Variants in KHDRBS3 observed in about 807,000 individuals in gnomAD.
KHDRBS3 encodes KH domain-containing, RNA-binding, signal transduction-associated protein 3.
Under a neutral mutation model 45.6 loss-of-function variants are expected in KHDRBS3, and 23 were observed. The observed-to-expected ratio is 0.50, with a 90% confidence interval of 0.36 to 0.72. The LOEUF (loss-of-function observed/expected upper bound fraction) is 0.72, where lower values mean the gene tolerates loss of function less well. KHDRBS3 is among the 30% of genes least tolerant of loss of function. The pLI is 0.00. For synonymous variants in KHDRBS3, 162 were observed against 156.5 expected (o/e 1.04, Z -0.26); for missense variants, 352 against 424.8 (o/e 0.83, Z 1.51).
At chr8:135,517,044 A>C (rs1824647061) in intron 1 of KHDRBS3, among the ~76,000 whole-genome samples, 1 of 152,204 alleles carries the variant, frequency 6.6e-6, no homozygotes, top group South Asian at 2.1e-4. Flanking sequence ...TTGCTTAGGA[A>C]GTTCTGTACT....
chr8:135,619,853 T>C (rs1830066896), intron 7 of KHDRBS3, among the ~76,000 whole-genome samples: 2 of 152,192 alleles, frequency 1.3e-5, no homozygotes, highest in South Asian at 2.1e-4. Flanking sequence ...AAGTTTATGG[T>C]CAGGGAAACT....
Position 135,542,788 on chromosome 8 carries a change from A to G in KHDRBS3, c.324+18A>G. ...AGGCCAAGGTAATATTAATTATAGA[A>G]AACGGCTAAGTTGTGTATCATGTTA... On this transcript the variant is annotated intron_variant, in intron 3 of 8. Coordinates refer to ENST00000355849, the MANE Select transcript of KHDRBS3 (RefSeq NM_006558.3). 1 of 1,505,402 alleles carries G rather than the reference A, an allele frequency of 6.6e-7. No homozygotes were observed. Among genetic ancestry groups the G allele is most frequent in the South Asian group, 1.1e-5 (1 of 88,016 alleles). The allele number at this position is 1,505,402 out of a possible 1,614,324, so 93.3% of individuals were successfully genotyped here.
chr8:135,500,796 C>G lies in KHDRBS3; in HGVS notation c.89-20441C>G, dbSNP rs146745051. On this transcript the variant is annotated intron_variant, in intron 1 of 8. Coordinates refer to ENST00000355849, the MANE Select transcript of KHDRBS3 (RefSeq NM_006558.3). ...GCATTTAGCCACGAGTAAGACAGAT[C>G]TAAACAATTTATGGTAAATGCTACA... Among the ~76,000 whole-genome samples the G allele has an allele frequency of 9.1e-3, 1,392 of 152,230 alleles. 8 individuals carry two copies. Among genetic ancestry groups the G allele is most frequent in the Middle Eastern group, 0.017 (5 of 294 alleles).
Position 135,557,443 on chromosome 8 carries a change from T to G in KHDRBS3, c.472-5T>G, listed in dbSNP as rs776690352. 14 of 1,594,804 alleles carry G rather than the reference T, an allele frequency of 8.8e-6. No homozygotes were observed. Among genetic ancestry groups the G allele is most frequent in the Non-Finnish European group, 1.2e-5 (14 of 1,169,240 alleles). ...GAATTTTGCTATCTTCTGTCTTTTG[T>G]GTAGGATTATAATGATGAGATCAGG... On this transcript the variant is annotated splice_region_variant and splice_polypyrimidine_tract_variant and intron_variant, in intron 4 of 8. Transcript: ENST00000355849.
chr8:135,596,983 T>G (rs1829000605), intron 6 of KHDRBS3, among the ~76,000 whole-genome samples: 1 of 152,220 alleles, frequency 6.6e-6, no homozygotes, highest in African/African-American at 2.4e-5. Flanking sequence ...TTACTTCTTG[T>G]CTTACTCTAT....
intron 1 of KHDRBS3, among the ~76,000 whole-genome samples, chr8:135,464,700 G>A (rs777142611): frequency 2.6e-5 from 4 of 152,148 alleles, no homozygotes; most frequent in African/African-American, 7.2e-5. Flanking sequence ...TCTGGTTTAC[G>A]TGCTTTATGT....
intron 1 of KHDRBS3, among the ~76,000 whole-genome samples, chr8:135,472,944 C>T (rs1321393655): frequency 6.6e-6 from 1 of 152,054 alleles, no homozygotes. Flanking sequence ...GAAAAGAATC[C>T]CTCAGTTCTT....
At chr8:135,483,401 A>G (rs1822684136) in intron 1 of KHDRBS3, among the ~76,000 whole-genome samples, 1 of 152,132 alleles carries the variant, frequency 6.6e-6, no homozygotes, top group Admixed American at 6.5e-5. Context: ...GTGGTTTGTA[A>G]CTGCCCATGC....
intron 5 of KHDRBS3, among the ~76,000 whole-genome samples, chr8:135,560,919 G>A (rs562306428): frequency 2.0e-4 from 30 of 152,148 alleles, no homozygotes; most frequent in South Asian, 6.2e-4. Flanking sequence ...GGCACCAGCA[G>A]GGCACTGAAC....
downstream of KHDRBS3, among the ~76,000 whole-genome samples, chr8:135,650,820 G>C (rs1831414101): frequency 6.6e-6 from 1 of 152,192 alleles, no homozygotes; most frequent in South Asian, 2.1e-4. Flanking sequence ...CCCTGCACCA[G>C]ATTCCTTCAT....
chr8:135,514,504 T>G (rs1345499190), intron 1 of KHDRBS3, among the ~76,000 whole-genome samples: 3 of 152,166 alleles, frequency 2.0e-5, no homozygotes, highest in Non-Finnish European at 4.4e-5. Context: ...ATGACACAGC[T>G]AAGCAGTCAC....
chr8:135,515,313 C>T (rs987952944), intron 1 of KHDRBS3, among the ~76,000 whole-genome samples: 3 of 133,068 alleles, frequency 2.3e-5, no homozygotes, highest in Non-Finnish European at 4.6e-5. Context: ...TTGCAGTGAG[C>T]CAAGATCACG....
chr8:135,622,951 T>C (rs535987919), intron 7 of KHDRBS3, among the ~76,000 whole-genome samples: 3 of 152,376 alleles, frequency 2.0e-5, no homozygotes, highest in Non-Finnish European at 4.4e-5. Context: ...TTCCCGGCCT[T>C]CCTGCCACTT....
At chr8:135,625,778 T>TTCTA (rs1237945964) in intron 7 of KHDRBS3, 6 of 767,120 alleles carry the variant, frequency 7.8e-6, no homozygotes, top group Non-Finnish European at 1.5e-5. Context: ...TGCACCCGTG[T>TTCTA]TCTAGCTTAG....
At chr8:135,513,919 G>T (rs954612123) in intron 1 of KHDRBS3, among the ~76,000 whole-genome samples, 2 of 150,646 alleles carry the variant, frequency 1.3e-5, no homozygotes, top group African/African-American at 4.9e-5. Flanking sequence ...TGACTCCTTT[G>T]TACTCACTTA....
chr8:135,646,018 T>TG (rs1831271699), intron 8 of KHDRBS3, among the ~76,000 whole-genome samples: 4 of 119,066 alleles, frequency 3.4e-5, no homozygotes, highest in East Asian at 5.6e-4. Context: ...TTTTTTTTTT[T>TG]TTTTGTTATC....
chr8:135,509,965 T>TC (rs796226585), intron 1 of KHDRBS3, among the ~76,000 whole-genome samples: 22 of 140,596 alleles, frequency 1.6e-4, no homozygotes, highest in South Asian at 2.5e-4. Context: ...AAATTTTCTT[T>TC]CCCCCCCCCT....
At chr8:135,574,533 A>G (rs945626418) in intron 5 of KHDRBS3, among the ~76,000 whole-genome samples, 2 of 152,110 alleles carry the variant, frequency 1.3e-5, no homozygotes, top group African/African-American at 4.8e-5. Context: ...ATGTCTTTCA[A>G]TTTGATGAAA....
chr8:135,481,317 A>G (rs1258226464), intron 1 of KHDRBS3, among the ~76,000 whole-genome samples: 3 of 145,340 alleles, frequency 2.1e-5, no homozygotes, highest in African/African-American at 2.6e-5. Context: ...TCTTATGTGC[A>G]TATCAACTCA....
Sources: allele counts gnomAD v4.1 joint callset (sites outside exome capture counted in the v4.1 genomes callset), GRCh38; gene constraint gnomAD v4.1.1; transcripts MANE v1.5; gene names NCBI Gene and HGNC (gene_info 2026-07-23, HGNC 2026-07-21).